STX8: variants seen among roughly 807,000 people sequenced by gnomAD.
STX8 encodes syntaxin-8.
Under a neutral mutation model 37.5 loss-of-function variants are expected in STX8, and 23 were observed. The ratio of observed to expected loss-of-function variants is 0.61; its 90% CI spans 0.44 to 0.87. STX8 has a LOEUF of 0.87. Ranked by LOEUF, STX8 falls within the 40% of genes least tolerant of loss-of-function variation. The probability of loss-of-function intolerance (pLI) is 0.00; values close to 1 mark genes in which losing one functional copy is unlikely to be tolerated. For synonymous variants in STX8, 115 were observed against 99.1 expected, an observed-to-expected ratio of 1.16 and a Z score of -0.95; for missense variants, 313 against 284.7, an observed-to-expected ratio of 1.10 and a Z score of -0.71.
chr17:9,298,519 C>A (rs1004641399), intron 7 of STX8, among the ~76,000 whole-genome samples: 2 of 151,870 alleles, frequency 1.3e-5, no homozygotes, highest in African/African-American at 4.8e-5. Flanking sequence ...CTTTAAAAAC[C>A]AAAAAAACCG....
At chr17:9,569,795 A>C (rs1210938212) in intron 1 of STX8, 1 of 152,064 alleles carries the variant, frequency 6.6e-6, no homozygotes, top group East Asian at 1.9e-4. Context: ...AAAATACAAA[A>C]AATTAGCCAG....
At chr17:9,445,116 G>A (rs1356292810) in intron 6 of STX8, among the ~76,000 whole-genome samples, 1 of 152,094 alleles carries the variant, frequency 6.6e-6, no homozygotes, top group Non-Finnish European at 1.5e-5. Context: ...TGCACTCTCT[G>A]CCCAGAAAAA....
At chr17:9,330,796 G>A (rs892000372) in intron 7 of STX8, among the ~76,000 whole-genome samples, 5 of 152,166 alleles carry the variant, frequency 3.3e-5, no homozygotes, top group South Asian at 2.1e-4. Context: ...TGCAGCTTGC[G>A]CGTAATGGGC....
chr17:9,462,190 G>A (rs773675635), intron 6 of STX8, among the ~76,000 whole-genome samples: 13 of 152,058 alleles, frequency 8.5e-5, no homozygotes, highest in Middle Eastern at 3.2e-3. Context: ...TGGTTCTATC[G>A]GAGGAGAAGC....
At chr17:9,472,102 A>G (rs6503206) in intron 6 of STX8, among the ~76,000 whole-genome samples, 128,622 of 148,692 alleles carry the variant, frequency 0.87, 55,721 homozygotes, top group East Asian at 1. Flanking sequence ...GAAAAAACAA[A>G]GTTCTGAAGT....
At chr17:9,574,078 C>T (rs1180408123) in intron 1 of STX8, among the ~76,000 whole-genome samples, 2 of 151,938 alleles carry the variant, frequency 1.3e-5, no homozygotes, top group African/African-American at 4.8e-5. Context: ...CAAGATCAGC[C>T]TAGGCAACAC....
At chr17:9,437,040 T>C (rs1343847268) in intron 6 of STX8, among the ~76,000 whole-genome samples, 1 of 152,208 alleles carries the variant, frequency 6.6e-6, no homozygotes, top group East Asian at 1.9e-4. Flanking sequence ...TTTAAAAGCC[T>C]GTGACAAGCT....
At chr17:9,447,417 T>C (rs1413436390) in intron 6 of STX8, among the ~76,000 whole-genome samples, 9 of 151,730 alleles carry the variant, frequency 5.9e-5, no homozygotes, top group Admixed American at 2.6e-4. Flanking sequence ...TTTTGAGGAG[T>C]TGTTCTTTTG....
intron 4 of STX8, among the ~76,000 whole-genome samples, chr17:9,543,000 T>C (rs1906345090): frequency 6.6e-6 from 1 of 152,154 alleles, no homozygotes; most frequent in Non-Finnish European, 1.5e-5. Flanking sequence ...GTCCTCAGCC[T>C]AAATTCCTAG....
intron 6 of STX8, among the ~76,000 whole-genome samples, chr17:9,409,763 T>C (rs1367764310): frequency 6.6e-6 from 1 of 151,976 alleles, no homozygotes; most frequent in Non-Finnish European, 1.5e-5. Context: ...TGGAATGAGA[T>C]AATAGATCCC....
chr17:9,501,012 A>T (rs1019962103), intron 5 of STX8, among the ~76,000 whole-genome samples: 1 of 152,084 alleles, frequency 6.6e-6, no homozygotes. Context: ...CAAAAAATAA[A>T]ATAAAATAAA....
chr17:9,303,948 C>T (rs1387678176), intron 7 of STX8, among the ~76,000 whole-genome samples: 1 of 151,768 alleles, frequency 6.6e-6, no homozygotes, highest in Non-Finnish European at 1.5e-5. Context: ...TTACGACTAC[C>T]TAAAAATTAG....
At chr17:9,357,016 G>A (rs1910905213) in intron 7 of STX8, among the ~76,000 whole-genome samples, 1 of 123,400 alleles carries the variant, frequency 8.1e-6, no homozygotes, top group Non-Finnish European at 1.6e-5. Context: ...CACCCCGGCT[G>A]AAGTGCAGTG....
At chr17:9,571,672 T>C (rs1432791746) in intron 1 of STX8, among the ~76,000 whole-genome samples, 1 of 150,444 alleles carries the variant, frequency 6.6e-6, no homozygotes. Context: ...TCCCAGCACT[T>C]TGGGAGGCCA....
In STX8 at chr17:9,261,851, T is replaced by C. The variant is rs141034122; in HGVS notation, c.644-11206A>G. Among the ~76,000 whole-genome samples the C allele has an allele frequency of 5.3e-5, 8 of 152,324 alleles. No homozygotes were observed. The East Asian group carries it at 1.5e-3, about 29-fold the overall frequency. ...TTACCCCTGGGAATGTGAATCTGTCTGGAGTCTGGCAGAAATTCAAGTGTC... is the reference window on the plus strand; with the variant it reads ...TTACCCCTGGGAATGTGAATCTGTCCGGAGTCTGGCAGAAATTCAAGTGTC... On this transcript the variant is annotated intron_variant, in intron 7 of 7. Coordinates refer to ENST00000306357, the MANE Select transcript of STX8 (RefSeq NM_004853.3).
chr17:9,284,262 C>T (rs1907995563), intron 7 of STX8, among the ~76,000 whole-genome samples: 1 of 152,186 alleles, frequency 6.6e-6, no homozygotes, highest in South Asian at 2.1e-4. Context: ...TATGGTTTGT[C>T]TCTAAGTTTT....
chr17:9,420,827 T>C (rs1913397468), intron 6 of STX8, among the ~76,000 whole-genome samples: 2 of 152,212 alleles, frequency 1.3e-5, no homozygotes, highest in African/African-American at 4.8e-5. Context: ...TGCACTCTCG[T>C]TTTATCCAAC....
At chr17:9,251,210 A>G (rs1906563359) in intron 7 of STX8, among the ~76,000 whole-genome samples, 1 of 152,182 alleles carries the variant, frequency 6.6e-6, no homozygotes, top group South Asian at 2.1e-4. Flanking sequence ...GCTGGAGAGC[A>G]CAGGCCCTCC....
chr17:9,454,622 G>A (rs541598726), intron 6 of STX8, among the ~76,000 whole-genome samples: 1 of 151,028 alleles, frequency 6.6e-6, no homozygotes, highest in African/African-American at 2.4e-5. Context: ...GGAGCTTGCA[G>A]TGAGCCAAGA....
Sources: gnomAD v4.1 joint callset for allele counts (sites outside exome capture counted in the v4.1 genomes callset) on GRCh38, gnomAD v4.1.1 for gene constraint, MANE v1.5 for transcripts, NCBI Gene and HGNC (gene_info 2026-07-23, HGNC 2026-07-21) for gene names.